MXRA7: variants seen among roughly 807,000 people sequenced by gnomAD.
MXRA7 encodes matrix remodeling associated 7, also known as matrix-remodeling-associated protein 7.
Under a neutral mutation model 17.4 loss-of-function variants are expected in MXRA7, and 18 were observed. The observed-to-expected ratio is 1.03, with a 90% CI of 0.71 to 1.53. MXRA7 has a LOEUF of 1.53. Among genes scored for constraint, MXRA7 ranks in the 40% most tolerant of loss-of-function variants. The pLI, the probability that MXRA7 is intolerant of heterozygous loss-of-function variation, is 0.00. For missense variants in MXRA7, 141 were observed against 209.3 expected (o/e 0.67, Z 2.01); for synonymous variants, 70 against 101.7 (o/e 0.69, Z 1.87).
chr17:76,696,937 G>C (rs1286001636), intron 1 of MXRA7, among the ~76,000 whole-genome samples: 2 of 152,174 alleles, frequency 1.3e-5, no homozygotes, highest in Non-Finnish European at 2.9e-5. Flanking sequence ...AAACGGAACA[G>C]AGCAGCTGCT....
intron 1 of MXRA7, among the ~76,000 whole-genome samples, chr17:76,705,708 G>C (rs751026078): frequency 6.6e-6 from 1 of 152,140 alleles, no homozygotes; most frequent in Non-Finnish European, 1.5e-5. Flanking sequence ...TGAAAGTACA[G>C]CAAGAAGGTG....
chr17:76,689,867 CG>C (rs2076458897), intron 1 of MXRA7: 2 of 151,910 alleles, frequency 1.3e-5, no homozygotes, highest in Admixed American at 6.6e-5. Context: ...AAAAATTAGC[CG>C]AGTGTTGTGG....
At chr17:76,697,768 C>T (rs1288996157) in intron 1 of MXRA7, among the ~76,000 whole-genome samples, 1 of 152,214 alleles carries the variant, frequency 6.6e-6, no homozygotes, top group Admixed American at 6.5e-5. Context: ...CCCGGCCAGG[C>T]TGCAGTAGCT....
At chr17:76,708,330 A>G (rs1462555143) in intron 1 of MXRA7, among the ~76,000 whole-genome samples, 1 of 152,132 alleles carries the variant, frequency 6.6e-6, no homozygotes, top group East Asian at 1.9e-4. Flanking sequence ...GGTGAGTTAC[A>G]CGCTGCTCCC....
intron 1 of MXRA7, among the ~76,000 whole-genome samples, chr17:76,703,446 T>C (rs11649719): frequency 0.44 from 66,125 of 151,652 alleles, 14,602 homozygotes; most frequent in Non-Finnish European, 0.46. Flanking sequence ...ATGGCGAAAC[T>C]CCATCTCTAC....
downstream of MXRA7, among the ~76,000 whole-genome samples, chr17:76,678,996 C>T (rs1466669348): frequency 1.3e-5 from 2 of 152,092 alleles, no homozygotes; most frequent in Non-Finnish European, 2.9e-5. Flanking sequence ...TTTGTGCCCT[C>T]CTGTAAGAAG....
Position 76,688,167 on chromosome 17 carries a change from GCTC to G in MXRA7, c.349_351del (p.Glu117del), listed in dbSNP as rs1241309501. 4.3e-6 allele frequency: 7 copies of G among 1,614,032 alleles called. No individual in the cohort carries two copies. The South Asian group carries it at 5.5e-5, about 13-fold the overall frequency. ...GGCCCCTTCTCACCATCCAAGTCCTGCTCCTCTTCCTGCAAGACAAGGACAGGG... is the reference window on the plus strand; with the variant it reads ...GGCCCCTTCTCACCATCCAAGTCCTGCTCTTCCTGCAAGACAAGGACAGGG... On this transcript the variant is annotated inframe_deletion, in exon 2 of 4. Coordinates refer to ENST00000449428, the MANE Select transcript of MXRA7 (RefSeq NM_198530.4).
chr17:76,708,955 C>G (rs565607431), intron 1 of MXRA7, among the ~76,000 whole-genome samples: 19 of 152,276 alleles, frequency 1.2e-4, no homozygotes, highest in Admixed American at 7.2e-4. Flanking sequence ...TTCAGAGCAC[C>G]CATTCAGCTT....
intron 1 of MXRA7, among the ~76,000 whole-genome samples, chr17:76,707,651 G>C (rs1383127949): frequency 6.6e-6 from 1 of 152,084 alleles, no homozygotes; most frequent in Non-Finnish European, 1.5e-5. Context: ...CGAGATACTT[G>C]AGTCCTGGCA....
intron 1 of MXRA7, chr17:76,688,633 T>A: frequency 8.1e-7 from 1 of 1,241,236 alleles, no homozygotes; most frequent in Non-Finnish European, 1.0e-6. Context: ...CATCCCCAAC[T>A]CTCTCAGTGT....
At chr17:76,695,443 T>C (rs896450964) in intron 1 of MXRA7, among the ~76,000 whole-genome samples, 4 of 152,148 alleles carry the variant, frequency 2.6e-5, no homozygotes, top group African/African-American at 9.7e-5. Context: ...CGTCTAAGGC[T>C]GTGCTCAACA....
chr17:76,700,678 T>C (rs1005645), intron 1 of MXRA7, among the ~76,000 whole-genome samples: 127,399 of 152,244 alleles, frequency 0.84, 54,247 homozygotes, highest in Non-Finnish European at 0.93. Flanking sequence ...GGAGCTGGGA[T>C]GTGGCGGGCA....
chr17:76,680,689 A>G lies in MXRA7; in HGVS notation c.*178T>C. 6.9e-7 allele frequency: 1 copy of G among 1,441,278 alleles called. No homozygotes were observed. Among genetic ancestry groups the G allele is most frequent in the South Asian group, 1.5e-5 (1 of 65,770 alleles). 89.3% of individuals were successfully genotyped at this position (1,441,278 alleles called of 1,614,324 possible). The stretch of plus-strand genomic sequence containing the variant: ...ACAGGGCAGGGCCAAAGGTGTTCCC[A>G]GGATCCTGCTAGCCAAGGGACAAGT... On this transcript the variant is annotated 3_prime_UTR_variant, in exon 4 of 4. Coordinates refer to ENST00000449428, the MANE Select transcript of MXRA7 (RefSeq NM_198530.4).
intron 3 of MXRA7, chr17:76,683,998 C>T: frequency 8.6e-7 from 1 of 1,168,874 alleles, no homozygotes; most frequent in Non-Finnish European, 1.3e-6. Context: ...ACTCGGGGCT[C>T]CTGCCAGGGC....
intron 1 of MXRA7, chr17:76,688,920 T>G: frequency 3.5e-6 from 1 of 284,266 alleles, no homozygotes; most frequent in Non-Finnish European, 6.5e-6. Context: ...CCCCAGCTGA[T>G]CCCATGGAGC....
chr17:76,692,682 CT>C (rs35656891), intron 1 of MXRA7, among the ~76,000 whole-genome samples: 42,751 of 151,050 alleles, frequency 0.28, 7,178 homozygotes, highest in Non-Finnish European at 0.38. Flanking sequence ...AAGTTTGAGG[CT>C]TTAATAACTT....
rs150555269 is a variant in MXRA7 at position 76,684,623 on chromosome 17, C to T, written c.500+449G>A. ...CGGAGCTACAAGGCGCTGCTGCAGG[C>T]GCCGGCCTGGGAGGCCGCTGAAGGA... On this transcript the variant is annotated intron_variant, in intron 3 of 3. Coordinates refer to ENST00000449428, the MANE Select transcript of MXRA7 (RefSeq NM_198530.4). 1,208 of 398,222 alleles carry T rather than the reference C, an allele frequency of 3.0e-3. 3 individuals carry two copies. Among genetic ancestry groups the T allele is most frequent in the Non-Finnish European group, 4.4e-3 (903 of 203,632 alleles). The allele number at this position is 398,222 out of a possible 1,614,324, so 24.7% of individuals were successfully genotyped here. A position where few individuals can be genotyped will look rare whatever the true frequency, so the allele number is the denominator to read the frequency against.
At chr17:76,693,244 T>C (rs1212396325) in intron 1 of MXRA7, among the ~76,000 whole-genome samples, 2 of 151,742 alleles carry the variant, frequency 1.3e-5, no homozygotes, top group African/African-American at 4.8e-5. Flanking sequence ...CCGAGGCGGA[T>C]GGATCACGAG....
chr17:76,677,748 C>A, downstream of MXRA7: 1 of 1,418,964 alleles, frequency 7.0e-7, no homozygotes, highest in Non-Finnish European at 1.0e-6. Flanking sequence ...TCCTAGCCCA[C>A]TGGGGAGAGA....
Sources: allele counts gnomAD v4.1 joint callset (sites outside exome capture counted in the v4.1 genomes callset), GRCh38; gene constraint gnomAD v4.1.1; transcripts MANE v1.5; gene names NCBI Gene and HGNC (gene_info 2026-07-23, HGNC 2026-07-21).